The following PLA2G4A variants were observed in gnomAD, a reference collection of about 807,000 sequenced individuals.
The protein encoded by PLA2G4A is phospholipase A2 group IVA, also known as cytosolic phospholipase A2.
A neutral mutation model predicts 81.9 loss-of-function variants in PLA2G4A; 40 were observed. That is an observed-to-expected ratio of 0.49 (90% CI 0.38 to 0.64). PLA2G4A has a LOEUF of 0.64. Ranked by LOEUF, PLA2G4A falls within the 30% of genes least tolerant of loss-of-function variation. The probability of loss-of-function intolerance (pLI) is 0.00; values close to 1 mark genes in which losing one functional copy is unlikely to be tolerated. For synonymous variants in PLA2G4A, 302 were observed against 296.9 expected, an observed-to-expected ratio of 1.02 and a Z score of -0.18; for missense variants, 715 against 905.1, an observed-to-expected ratio of 0.79 and a Z score of 2.69.
intron 1 of PLA2G4A, among the ~76,000 whole-genome samples, chr1:186,836,666 G>T (rs1205454889): frequency 2.6e-5 from 4 of 152,126 alleles, no homozygotes; most frequent in Admixed American, 2.6e-4. Flanking sequence ...ATCAGGAATT[G>T]TTGGTCACTG....
intron 15 of PLA2G4A, among the ~76,000 whole-genome samples, chr1:186,968,396 GTGTA>G (rs1312358526): frequency 2.9e-5 from 4 of 136,650 alleles, no homozygotes; most frequent in Non-Finnish European, 6.3e-5. Flanking sequence ...TTTTCGCGGT[GTGTA>G]TGTGTGTGTG....
intron 2 of PLA2G4A, among the ~76,000 whole-genome samples, chr1:186,859,461 C>T (rs1652717907): frequency 6.6e-6 from 1 of 152,030 alleles, no homozygotes; most frequent in Non-Finnish European, 1.5e-5. Flanking sequence ...TCTTTTTACT[C>T]TGAAAATGTG....
Position 186,839,965 on chromosome 1 carries a change from C to CTTTTTTT in PLA2G4A, c.-70+10952_-70+10958dup, listed in dbSNP as rs61704569. Among the ~76,000 whole-genome samples the CTTTTTTT allele has an allele frequency of 1.5e-4, 11 of 75,052 alleles. 1 individual carries two copies. Among genetic ancestry groups the CTTTTTTT allele is most frequent in the Admixed American group, 3.5e-4 (2 of 5,740 alleles). The allele number at this position is 75,052 out of a possible 152,430, so 49.2% of individuals were successfully genotyped here. On this transcript the variant is annotated intron_variant, in intron 1 of 17. Coordinates refer to ENST00000367466, the MANE Select transcript of PLA2G4A (RefSeq NM_024420.3). The stretch of plus-strand genomic sequence containing the variant: ...ACATGTATTTCAACATAATTGACTT[C>CTTTTTTT]TTTTTTTTTTTTTTTTTTTTTTTTT...
intron 7 of PLA2G4A, among the ~76,000 whole-genome samples, chr1:186,912,583 T>G (rs1654986061): frequency 1.3e-5 from 2 of 151,980 alleles, no homozygotes; most frequent in South Asian, 4.1e-4. Context: ...CCAGATAGGC[T>G]TCTTTCACTT....
chr1:186,844,590 C>T (rs769284886), intron 1 of PLA2G4A, among the ~76,000 whole-genome samples: 1 of 152,056 alleles, frequency 6.6e-6, no homozygotes, highest in African/African-American at 2.4e-5. Flanking sequence ...CAGGTATATA[C>T]CCAGTAATGG....
At chr1:186,845,433 C>T (rs920028133) in intron 1 of PLA2G4A, among the ~76,000 whole-genome samples, 2 of 151,990 alleles carry the variant, frequency 1.3e-5, no homozygotes, top group Admixed American at 6.6e-5. Flanking sequence ...GCGATTTTCC[C>T]TACGTACAGA....
At position 186,939,185 on chromosome 1, in the gene PLA2G4A, T is replaced by G; in HGVS notation, c.873T>G (p.Phe291Leu). 6.2e-7 allele frequency: 1 copy of G among 1,605,890 alleles called. No homozygotes were observed. The highest frequency in any genetic ancestry group is 8.5e-7 in the Non-Finnish European group (1 of 1,172,686). Residue 291 changes from phenylalanine to leucine, a missense_variant, in exon 9 of 18, where the codon TTT (phenylalanine) becomes TTG (leucine). Coordinates refer to ENST00000367466, the MANE Select transcript of PLA2G4A (RefSeq NM_024420.3). ...AAAGCTCTGGACAACCTGTCACCTT[T>G]ACTGATATCTTTGGGATGTTAATAG... is the stretch of plus-strand genomic sequence containing the variant. Reference protein sequence around the residue: ...KKKSSGQPVTFTDIFGMLIGE... With the variant: ...KKKSSGQPVTLTDIFGMLIGE...
Position 186,830,461 on chromosome 1 carries a change from A to G in PLA2G4A, c.-70+1426A>G, listed in dbSNP as rs1219261243. ...CATCTCTACTAAAAATAGAAAAACT[A>G]GCCGGACGTGGTGGCAGGTGCCTGT... On this transcript the variant is annotated intron_variant, in intron 1 of 17. Transcript: ENST00000367466. Among the ~76,000 whole-genome samples the G allele has an allele frequency of 7.9e-5, 12 of 151,878 alleles. No individual in the cohort carries two copies. The East Asian group carries it at 2.1e-3, about 27-fold the overall frequency.
chr1:186,938,616 C>G (rs2102216928), intron 8 of PLA2G4A, among the ~76,000 whole-genome samples: 1 of 152,218 alleles, frequency 6.6e-6, no homozygotes, highest in Admixed American at 6.5e-5. Context: ...TTTAGATGAT[C>G]AGATTGCTTG....
intron 1 of PLA2G4A, among the ~76,000 whole-genome samples, chr1:186,845,734 T>A (rs1652147810): frequency 6.6e-6 from 1 of 152,246 alleles, no homozygotes; most frequent in Non-Finnish European, 1.5e-5. Flanking sequence ...TTTTTGTTTC[T>A]GTTCACTTTT....
intron 14 of PLA2G4A, among the ~76,000 whole-genome samples, chr1:186,964,156 A>G (rs1657051142): frequency 6.6e-6 from 1 of 152,184 alleles, no homozygotes; most frequent in Non-Finnish European, 1.5e-5. Context: ...TTATTCTACT[A>G]TCATAGGCCT....
chr1:186,976,132 G>T (rs371091578), intron 15 of PLA2G4A, among the ~76,000 whole-genome samples: 1 of 151,824 alleles, frequency 6.6e-6, no homozygotes, highest in Non-Finnish European at 1.5e-5. Flanking sequence ...GCTATCTCTC[G>T]CCCAACAGGC....
intron 1 of PLA2G4A, among the ~76,000 whole-genome samples, chr1:186,839,696 AT>A (rs1162365669): frequency 6.6e-6 from 1 of 152,024 alleles, no homozygotes; most frequent in Non-Finnish European, 1.5e-5. Context: ...TAACCCCTAA[AT>A]TTTCAGGATG....
intron 15 of PLA2G4A, among the ~76,000 whole-genome samples, chr1:186,975,942 A>G (rs908538010): frequency 1.3e-5 from 2 of 152,032 alleles, no homozygotes; most frequent in Admixed American, 1.3e-4. Flanking sequence ...TTTTCTGTTG[A>G]TTTATAAACT....
chr1:186,858,099 T>A (rs1322370497), intron 2 of PLA2G4A, among the ~76,000 whole-genome samples: 2 of 152,210 alleles, frequency 1.3e-5, no homozygotes, highest in African/African-American at 4.8e-5. Context: ...TAGCATGATT[T>A]ATAATCCTTT....
chr1:186,925,532 C>A (rs1476721119), intron 7 of PLA2G4A, among the ~76,000 whole-genome samples: 1 of 152,132 alleles, frequency 6.6e-6, no homozygotes, highest in Non-Finnish European at 1.5e-5. Context: ...CAGAATCTTT[C>A]CCCGGTTGGA....
intron 1 of PLA2G4A, among the ~76,000 whole-genome samples, chr1:186,844,717 C>T (rs1652108929): frequency 6.6e-6 from 1 of 152,176 alleles, no homozygotes; most frequent in East Asian, 1.9e-4. Flanking sequence ...AGCACACCAA[C>T]ATGGCACATG....
At chr1:186,914,279 T>C (rs1311254870) in intron 7 of PLA2G4A, among the ~76,000 whole-genome samples, 2 of 143,302 alleles carry the variant, frequency 1.4e-5, no homozygotes, top group Non-Finnish European at 3.1e-5. Context: ...TGTTTTTTTC[T>C]TTCTAGAGAT....
chr1:186,902,454 C>T (rs938783758), intron 5 of PLA2G4A, among the ~76,000 whole-genome samples: 9 of 152,076 alleles, frequency 5.9e-5, no homozygotes, highest in Non-Finnish European at 8.8e-5. Context: ...GCCCCTAGTC[C>T]GGCTCGAAGC....
Sources: allele counts gnomAD v4.1 joint callset (sites outside exome capture counted in the v4.1 genomes callset), GRCh38; gene constraint gnomAD v4.1.1; transcripts MANE v1.5; gene names NCBI Gene and HGNC (gene_info 2026-07-23, HGNC 2026-07-21).